NR1D2: variants seen among roughly 807,000 people sequenced by gnomAD.
NR1D2 encodes V-erbA-related protein 1-related.
A neutral mutation model predicts 52.2 loss-of-function variants in NR1D2; 25 were observed. The ratio of observed to expected loss-of-function variants is 0.48; its 90% CI spans 0.35 to 0.67. NR1D2 has a LOEUF of 0.67. Among genes scored for constraint, NR1D2 ranks in the 30% least tolerant of loss-of-function variants. The pLI, the probability that NR1D2 is intolerant of heterozygous loss-of-function variation, is 0.01. For missense variants in NR1D2, 681 were observed against 707.2 expected, an observed-to-expected ratio of 0.96 and a Z score of 0.42; for synonymous variants, 259 against 230.1, an observed-to-expected ratio of 1.13 and a Z score of -1.14.
chr3:23,961,634 G>A (rs369791484), intron 4 of NR1D2, among the ~76,000 whole-genome samples: 1 of 151,914 alleles, frequency 6.6e-6, no homozygotes, highest in African/African-American at 2.4e-5. Flanking sequence ...GACCTCAGGT[G>A]GTCCACCTGC....
At chr3:23,970,236 T>C (rs1706549682) in intron 7 of NR1D2, among the ~76,000 whole-genome samples, 1 of 152,100 alleles carries the variant, frequency 6.6e-6, no homozygotes, top group African/African-American at 2.4e-5. Context: ...GGTGAACTCT[T>C]CTAAAATAAA....
chr3:23,963,228 G>T, intron 5 of NR1D2: 1 of 1,331,706 alleles, frequency 7.5e-7, no homozygotes, highest in African/African-American at 1.5e-5. Context: ...TCAAAGTACA[G>T]TGTTCATATT....
At chr3:23,949,043 G>A (rs1705855593) in intron 1 of NR1D2, among the ~76,000 whole-genome samples, 1 of 152,048 alleles carries the variant, frequency 6.6e-6, no homozygotes, top group African/African-American at 2.4e-5. Flanking sequence ...AATTTACATG[G>A]AGATAAAAAT....
At chr3:23,953,776 G>A (rs757530080) in intron 1 of NR1D2, among the ~76,000 whole-genome samples, 15 of 152,186 alleles carry the variant, frequency 9.9e-5, no homozygotes, top group Non-Finnish European at 1.6e-4. Context: ...CCAAGTGTTG[G>A]GGGAGGCAAA....
chr3:23,965,931 C>T (rs1181633826), intron 6 of NR1D2, among the ~76,000 whole-genome samples: 1 of 152,178 alleles, frequency 6.6e-6, no homozygotes, highest in Non-Finnish European at 1.5e-5. Context: ...TTATGTGCCA[C>T]CTTAGCTCTT....
At chr3:23,975,632 G>A (rs553997469) in intron 7 of NR1D2, among the ~76,000 whole-genome samples, 1 of 152,078 alleles carries the variant, frequency 6.6e-6, no homozygotes, top group African/African-American at 2.4e-5. Context: ...GGTGGTGGGT[G>A]CCTGTAATCC....
At chr3:23,950,959 G>A (rs560193107) in intron 1 of NR1D2, among the ~76,000 whole-genome samples, 3 of 139,782 alleles carry the variant, frequency 2.1e-5, no homozygotes, top group Non-Finnish European at 4.5e-5. Context: ...AGGCTGGAGT[G>A]CAATGGTGCC....
rs538267051 is a variant in NR1D2 at position 23,949,373 on chromosome 3, AAAC to A, written c.16+3785_16+3787del. Among the ~76,000 whole-genome samples the A allele has an allele frequency of 6.0e-4, 91 of 152,090 alleles. 1 individual carries two copies. In the South Asian group the frequency reaches 0.016, roughly 26 times the overall value. Reference sequence around the variant, plus strand: ...GAGCGAAACTCCGTCTGAAAAAAAAAAACAACAAAAAACACACCATTTATTTTT... The same window carrying A: ...GAGCGAAACTCCGTCTGAAAAAAAAAAACAAAAAACACACCATTTATTTTT... On this transcript the variant is annotated intron_variant, in intron 1 of 7. Transcript: ENST00000312521.
intron 3 of NR1D2, among the ~76,000 whole-genome samples, chr3:23,959,311 G>A (rs2125288911): frequency 6.6e-6 from 1 of 151,830 alleles, no homozygotes; most frequent in South Asian, 2.1e-4. Context: ...CAAGAGTTTT[G>A]GAATTTGTAG....
At chr3:23,964,953 G>A (rs367890739) in intron 5 of NR1D2, 24 bp from the exon 6 acceptor site, 3 of 1,518,602 alleles carry the variant, frequency 2.0e-6, no homozygotes, top group Non-Finnish European at 2.7e-6. Context: ...GTATTTAAGA[G>A]TTTTTCCGTT....
In NR1D2 at chr3:23,977,574, T is replaced by C. The variant is rs1706766857; in HGVS notation, c.*155T>C. 2.2e-6 allele frequency: 1 copy of C among 458,766 alleles called. No individual in the cohort carries two copies. Among genetic ancestry groups the C allele is most frequent in the East Asian group, 3.3e-5 (1 of 30,460 alleles). 28.4% of individuals were successfully genotyped at this position (458,766 alleles called of 1,614,324 possible). A position where few individuals can be genotyped will look rare whatever the true frequency, so the allele number is the denominator to read the frequency against. On this transcript the variant is annotated 3_prime_UTR_variant, in exon 8 of 8. Coordinates refer to ENST00000312521, the MANE Select transcript of NR1D2 (RefSeq NM_005126.5). The stretch of plus-strand genomic sequence containing the variant: ...TGTAATCATGCAATAGCTGTTCGGA[T>C]TGAGAACTCTTCAGCCATGATTAGA...
chr3:23,964,090 T>C (rs1469910714), intron 5 of NR1D2, among the ~76,000 whole-genome samples: 1 of 151,720 alleles, frequency 6.6e-6, no homozygotes, highest in Non-Finnish European at 1.5e-5. Flanking sequence ...TTCTTTTTTT[T>C]TTTTTCGAGA....
rs773579776 is a variant in NR1D2 at position 23,962,094 on chromosome 3, T to C, written c.635T>C (p.Leu212Ser). 6.2e-7 allele frequency: 1 copy of C among 1,614,148 alleles called. No homozygotes were observed. The highest frequency in any genetic ancestry group is 2.2e-5 in the East Asian group (1 of 44,888). ...QFSGHLQNDT[L>S]VEHHEQTALP... ...AGTGGTCACTTGCAAAATGACACAT[T>C]AGTAGAACATCATGAACAGACAGCC... Residue 212 changes from leucine (L) to serine (S), a missense_variant, in exon 5 of 8, where the codon TTA becomes TCA. Transcript: ENST00000312521.
intron 1 of NR1D2, among the ~76,000 whole-genome samples, chr3:23,949,223 G>A (rs1705859707): frequency 6.6e-6 from 1 of 151,936 alleles, no homozygotes; most frequent in South Asian, 2.1e-4. Context: ...AAATTAGCCG[G>A]GTGTGGTGGC....
chr3:23,958,418 T>C (rs1331165038), intron 3 of NR1D2, among the ~76,000 whole-genome samples: 2 of 152,010 alleles, frequency 1.3e-5, no homozygotes, highest in Admixed American at 6.6e-5. Context: ...AGGCTGAAGC[T>C]GTAGGATTGC....
intron 4 of NR1D2, chr3:23,960,024 T>C: frequency 2.8e-6 from 1 of 363,544 alleles, no homozygotes; most frequent in Non-Finnish European, 4.8e-6. Context: ...GCTAAACTTC[T>C]GTTGTTGTTG....
At position 23,977,660 on chromosome 3, in the gene NR1D2, C is replaced by A. The variant is rs1479755861; in HGVS notation, c.*241C>A. 6.0e-6 allele frequency: 2 copies of A among 330,876 alleles called. No individual in the cohort carries two copies. Among genetic ancestry groups the A allele is most frequent in the Non-Finnish European group, 1.1e-5 (2 of 182,770 alleles). 20.5% of individuals were successfully genotyped at this position (330,876 alleles called of 1,614,324 possible). A position where few individuals can be genotyped will look rare whatever the true frequency, so the allele number is the denominator to read the frequency against. On this transcript the variant is annotated 3_prime_UTR_variant, in exon 8 of 8. Transcript: ENST00000312521. ...TGTCGCACTTAAACTGGAGAAGTTA[C>A]ACTGAAGTATAATCACACTGAATGT...
intron 5 of NR1D2, 96 bp downstream of exon 5, chr3:23,962,701 C>T (rs1706317036): frequency 1.7e-6 from 2 of 1,186,386 alleles, no homozygotes; most frequent in African/African-American, 1.5e-5. Flanking sequence ...GGGATGGTGT[C>T]AGGAAACCTA....
chr3:23,948,632 C>G (rs1401701199), intron 1 of NR1D2, among the ~76,000 whole-genome samples: 2 of 152,130 alleles, frequency 1.3e-5, no homozygotes, highest in Non-Finnish European at 2.9e-5. Context: ...TACATGTGTT[C>G]CTCATGTTAA....
Sources: gnomAD v4.1 joint callset for allele counts (sites outside exome capture counted in the v4.1 genomes callset) on GRCh38, gnomAD v4.1.1 for gene constraint, MANE v1.5 for transcripts, NCBI Gene and HGNC (gene_info 2026-07-23, HGNC 2026-07-21) for gene names.